MTOR: variants seen among roughly 807,000 people sequenced by gnomAD.
MTOR encodes the protein mechanistic target of rapamycin kinase, also known as serine/threonine-protein kinase mTOR.
Under a neutral mutation model 319.8 loss-of-function variants are expected in MTOR, and 70 were observed. The ratio of observed to expected loss-of-function variants is 0.22; its 90% CI spans 0.18 to 0.27. MTOR has a LOEUF of 0.27. Among genes scored for constraint, MTOR ranks in the 10% least tolerant of loss-of-function variants. The pLI is 1.00. For synonymous variants in MTOR, 1,183 were observed against 1,211.4 expected (o/e 0.98, Z 0.49); for missense variants, 1,890 against 3,274.4 (o/e 0.58, Z 10.32).
chr1:11,248,669 T>C (rs1427911622), intron 6 of MTOR, among the ~76,000 whole-genome samples: 1 of 151,698 alleles, frequency 6.6e-6, no homozygotes, highest in East Asian at 1.9e-4. Flanking sequence ...AAAAATTAGC[T>C]GGGCGTGGTG....
chr1:11,181,456 C>T (rs1373647681), intron 28 of MTOR, among the ~76,000 whole-genome samples: 3 of 152,060 alleles, frequency 2.0e-5, no homozygotes, highest in African/African-American at 2.4e-5. Flanking sequence ...ATCCAGGAGG[C>T]GGAGGTTGCA....
chr1:11,196,254 A>T (rs750248001), intron 28 of MTOR, among the ~76,000 whole-genome samples: 1 of 152,232 alleles, frequency 6.6e-6, no homozygotes, highest in African/African-American at 2.4e-5. Flanking sequence ...AAGCAAAAAC[A>T]GGCCAGCAGA....
chr1:11,247,579 T>C, intron 8 of MTOR, 46 bp downstream of exon 8: 1 of 1,559,366 alleles, frequency 6.4e-7, no homozygotes. Context: ...ACCTGTTCCC[T>C]GTTTACCCTG....
chr1:11,132,888 T>C, intron 38 of MTOR, 192 bp downstream of exon 38: 1 of 586,120 alleles, frequency 1.7e-6, no homozygotes, highest in Non-Finnish European at 3.0e-6. Flanking sequence ...TCCAATAATC[T>C]TTCTGTATTA....
intron 28 of MTOR, among the ~76,000 whole-genome samples, chr1:11,172,787 T>C (rs1402032900): frequency 6.7e-6 from 1 of 149,590 alleles, no homozygotes; most frequent in Non-Finnish European, 1.5e-5. Flanking sequence ...GAGGATCACT[T>C]GAACCCAGGA....
intron 28 of MTOR, among the ~76,000 whole-genome samples, chr1:11,180,422 C>G (rs1239205765): frequency 6.6e-6 from 1 of 152,188 alleles, no homozygotes; most frequent in Non-Finnish European, 1.5e-5. Flanking sequence ...GCCCATTTAG[C>G]CCCTTGCCTG....
chr1:11,170,224 A>T (rs1225309777), intron 28 of MTOR, among the ~76,000 whole-genome samples: 1 of 152,204 alleles, frequency 6.6e-6, no homozygotes, highest in East Asian at 1.9e-4. Flanking sequence ...AAGCAAGTCT[A>T]AAGGGACCTA....
chr1:11,118,621 T>C lies in MTOR; in HGVS notation c.6934-1535A>G, dbSNP rs573000910. Among the ~76,000 whole-genome samples the C allele has an allele frequency of 2.3e-3, 303 of 130,292 alleles. 1 individual carries two copies. Among genetic ancestry groups the C allele is most frequent in the African/African-American group, 8.4e-3 (271 of 32,180 alleles). 85.5% of individuals were successfully genotyped at this position (130,292 alleles called of 152,430 possible). A position where few individuals can be genotyped will look rare whatever the true frequency, so the allele number is the denominator to read the frequency against. ...TAGGTGTGGTCTTTTTCTTCTTCTT[T>C]TTTTTTTTTTTTTTTGAGACAGGGT... On this transcript the variant is annotated intron_variant, in intron 49 of 57. Coordinates refer to ENST00000361445, the MANE Select transcript of MTOR (RefSeq NM_004958.4).
chr1:11,151,727 A>C (rs780692531), intron 30 of MTOR, among the ~76,000 whole-genome samples: 1 of 152,232 alleles, frequency 6.6e-6, no homozygotes, highest in Non-Finnish European at 1.5e-5. Context: ...GATCCTGACT[A>C]GAGGTAGAAG....
chr1:11,157,218 T>C lies in MTOR; in HGVS notation c.4403A>G (p.Asp1468Gly), dbSNP rs2100567763. 6.2e-7 allele frequency: 1 copy of C among 1,614,070 alleles called. No individual in the cohort carries two copies. The highest frequency in any genetic ancestry group is 8.5e-7 in the Non-Finnish European group (1 of 1,179,976). The change falls in exon 30 of 58, where the codon GAC becomes GGC. Residue 1468 changes from aspartate to glycine, a missense_variant. Asp to Gly is a moderately conservative substitution (Grantham distance 94). Transcript: ENST00000361445. Reference protein sequence around the residue: ...DALVAYDKKMDTNKDDPELML... With the variant: ...DALVAYDKKMGTNKDDPELML... ...CAGCTCTGGGTCGTCCTTGTTGGTG[T>C]CCATTTTCTTGTCATAGGCCACAAG...
At chr1:11,232,891 AAAAT>A in intron 15 of MTOR, 1 of 567,572 alleles carries the variant, frequency 1.8e-6, no homozygotes, top group East Asian at 3.0e-5. Context: ...AATAAAATAA[AAAAT>A]TTTTTTTAAA....
At chr1:11,243,026 T>C (rs1209430589) in intron 9 of MTOR, 88 bp downstream of exon 9, 3 of 1,448,266 alleles carry the variant, frequency 2.1e-6, no homozygotes, top group African/African-American at 2.9e-5. Context: ...ATGCAAAAAA[T>C]GGGCGTAAGC....
At position 11,213,379 on chromosome 1, in the gene MTOR, G is replaced by A; in HGVS notation, c.3285+20C>T. On this transcript the variant is annotated intron_variant, in intron 21 of 57. Transcript: ENST00000361445. Reference sequence around the variant, plus strand: ...GAGGAAATCAGAAAATCTCTCTGGAGGATGACGTAGGCTACTCACCTTGAT... The same window carrying A: ...GAGGAAATCAGAAAATCTCTCTGGAAGATGACGTAGGCTACTCACCTTGAT... 2 of 1,602,882 alleles carry A rather than the reference G, an allele frequency of 1.2e-6. No homozygotes were observed. Among genetic ancestry groups the A allele is most frequent in the South Asian group, 2.2e-5 (2 of 89,922 alleles).
intron 36 of MTOR, among the ~76,000 whole-genome samples, chr1:11,136,869 T>C (rs1292001320): frequency 1.5e-4 from 22 of 151,270 alleles, no homozygotes; most frequent in Non-Finnish European, 2.8e-4. Flanking sequence ...GAAACAGAGT[T>C]TCGCTCTTGT....
chr1:11,147,015 A>C (rs1455580547), intron 31 of MTOR, among the ~76,000 whole-genome samples: 1 of 152,172 alleles, frequency 6.6e-6, no homozygotes, highest in African/African-American at 2.4e-5. Flanking sequence ...ACAGGACTCC[A>C]TGGCTGCCCA....
intron 1 of MTOR, among the ~76,000 whole-genome samples, chr1:11,261,187 T>A (rs1418823914): frequency 6.6e-6 from 1 of 151,088 alleles, no homozygotes; most frequent in Non-Finnish European, 1.5e-5. Context: ...TCTTCAAATG[T>A]AAGCTAAAAG....
At chr1:11,228,378 G>A (rs1229659551) in intron 19 of MTOR, among the ~76,000 whole-genome samples, 6 of 151,940 alleles carry the variant, frequency 3.9e-5, no homozygotes, top group South Asian at 2.1e-4. Flanking sequence ...TAGTAGAGAC[G>A]GGGTTTCACC....
intron 29 of MTOR, among the ~76,000 whole-genome samples, chr1:11,163,907 A>G (rs1644555600): frequency 6.6e-6 from 1 of 152,222 alleles, no homozygotes; most frequent in African/African-American, 2.4e-5. Flanking sequence ...TTCAAAAGCT[A>G]GCAGAAGGCA....
intron 25 of MTOR, among the ~76,000 whole-genome samples, chr1:11,207,486 G>GCAC (rs1646173633): frequency 7.3e-6 from 1 of 136,136 alleles, no homozygotes; most frequent in African/African-American, 2.7e-5. Flanking sequence ...ATAGCTCACT[G>GCAC]CACCCTGGAA....
Sources: allele counts gnomAD v4.1 joint callset (sites outside exome capture counted in the v4.1 genomes callset), GRCh38; gene constraint gnomAD v4.1.1; transcripts MANE v1.5; gene names NCBI Gene and HGNC (gene_info 2026-07-23, HGNC 2026-07-21).